SPAG16: variants seen among roughly 807,000 people sequenced by gnomAD.
The protein encoded by SPAG16 is sperm associated antigen 16.
Under a neutral mutation model 80.4 loss-of-function variants are expected in SPAG16, and 86 were observed. That is an observed-to-expected ratio of 1.07 (90% CI 0.90 to 1.28). The LOEUF (loss-of-function observed/expected upper bound fraction) is 1.28. SPAG16 is among the 50% of genes most tolerant of loss of function. SPAG16 has a pLI of 0.00. For missense variants in SPAG16, 870 were observed against 765.3 expected, an observed-to-expected ratio of 1.14 and a Z score of -1.61; for synonymous variants, 294 against 265.9, an observed-to-expected ratio of 1.11 and a Z score of -1.03.
chr2:213,868,804 G>A (rs2075811323), intron 11 of SPAG16, among the ~76,000 whole-genome samples: 1 of 152,122 alleles, frequency 6.6e-6, no homozygotes. Flanking sequence ...TCTACCCTTA[G>A]GAGCTGATTC....
chr2:214,055,161 T>C (rs2049872750), intron 13 of SPAG16, among the ~76,000 whole-genome samples: 2 of 152,186 alleles, frequency 1.3e-5, no homozygotes, highest in Non-Finnish European at 2.9e-5. Flanking sequence ...TTTGTTTGTT[T>C]TTAAAGATCC....
intron 9 of SPAG16, among the ~76,000 whole-genome samples, chr2:213,479,094 C>CTTTT (rs148476714): frequency 9.3e-4 from 88 of 94,350 alleles, no homozygotes; most frequent in East Asian, 1.3e-3. Context: ...CACTGGCTTC[C>CTTTT]TTTTTTTTTT....
At chr2:214,087,794 A>G (rs1420392213) in intron 13 of SPAG16, among the ~76,000 whole-genome samples, 1 of 152,126 alleles carries the variant, frequency 6.6e-6, no homozygotes, top group African/African-American at 2.4e-5. Flanking sequence ...GGTGCTATAG[A>G]CAAAAAAATA....
At chr2:213,517,701 A>C (rs1378530826) in intron 10 of SPAG16, among the ~76,000 whole-genome samples, 2 of 152,168 alleles carry the variant, frequency 1.3e-5, no homozygotes, top group African/African-American at 4.8e-5. Flanking sequence ...AAACAAATGG[A>C]GAAAGGGCTC....
At chr2:214,238,245 A>G (rs1481198526) in intron 15 of SPAG16, 2 of 342,394 alleles carry the variant, frequency 5.8e-6, no homozygotes, top group Non-Finnish European at 1.1e-5. Flanking sequence ...ATCTGAATAC[A>G]TATGATGAGA....
At chr2:213,299,771 G>A (rs2062657444) in intron 3 of SPAG16, among the ~76,000 whole-genome samples, 1 of 151,974 alleles carries the variant, frequency 6.6e-6, no homozygotes, top group Non-Finnish European at 1.5e-5. Flanking sequence ...TGAGAAGATA[G>A]GAAATGTTAT....
chr2:213,359,482 C>G lies in SPAG16; in HGVS notation c.763-4594C>G, dbSNP rs143065661. Among the ~76,000 whole-genome samples the G allele has an allele frequency of 2.3e-3, 344 of 152,304 alleles. 9 individuals are homozygous for G. In the East Asian group the frequency reaches 0.031, roughly 14 times the overall value. On this transcript the variant is annotated intron_variant, in intron 7 of 15. Transcript: ENST00000331683. ...TTACCTACTGAAGCCTCAGCAATGG[C>G]AGACGCCCCTCCTCCCACCAGGCTG... is the stretch of plus-strand genomic sequence containing the variant.
chr2:213,387,600 G>A (rs2067511950), intron 9 of SPAG16, among the ~76,000 whole-genome samples: 1 of 135,096 alleles, frequency 7.4e-6, no homozygotes, highest in Admixed American at 7.5e-5. Context: ...GACTACAGGC[G>A]CCCGCCACCA....
chr2:213,702,169 G>A (rs964179740), intron 10 of SPAG16, among the ~76,000 whole-genome samples: 2 of 152,114 alleles, frequency 1.3e-5, no homozygotes, highest in African/African-American at 2.4e-5. Flanking sequence ...TCTGTAAAAC[G>A]GACCAATCAG....
At chr2:213,962,452 TG>T (rs1373885838) in intron 12 of SPAG16, among the ~76,000 whole-genome samples, 1 of 152,188 alleles carries the variant, frequency 6.6e-6, no homozygotes, top group Non-Finnish European at 1.5e-5. Flanking sequence ...CCCGAAGTGC[TG>T]GGATTACAGG....
chr2:214,168,814 C>G (rs543964950), intron 15 of SPAG16, among the ~76,000 whole-genome samples: 3 of 152,032 alleles, frequency 2.0e-5, no homozygotes, highest in African/African-American at 7.2e-5. Context: ...ACAAACCCCC[C>G]GGGTAGGTTC....
intron 9 of SPAG16, among the ~76,000 whole-genome samples, chr2:213,399,480 A>G (rs2068209128): frequency 6.6e-6 from 1 of 152,024 alleles, no homozygotes; most frequent in Non-Finnish European, 1.5e-5. Flanking sequence ...ATGGATTTTA[A>G]AATGTAAACA....
intron 6 of SPAG16, among the ~76,000 whole-genome samples, chr2:213,343,578 G>A (rs73987996): frequency 0.098 from 14,869 of 152,008 alleles, 1,898 homozygotes; most frequent in African/African-American, 0.29. Context: ...GAATTAGCAG[G>A]CAGGGACTTT....
At chr2:214,059,248 A>G (rs1456572695) in intron 13 of SPAG16, among the ~76,000 whole-genome samples, 8 of 108,224 alleles carry the variant, frequency 7.4e-5, no homozygotes, top group Admixed American at 1.8e-4. Flanking sequence ...ATATGTATGT[A>G]TATATATGTA....
At chr2:214,240,382 C>A (rs1289237033) in intron 15 of SPAG16, 2 of 152,106 alleles carry the variant, frequency 1.3e-5, no homozygotes, top group African/African-American at 4.8e-5. Flanking sequence ...TCTTTGAGGG[C>A]AGGGTCTATG....
At chr2:213,802,974 GTC>G (rs1294938548) in intron 10 of SPAG16, among the ~76,000 whole-genome samples, 1 of 151,864 alleles carries the variant, frequency 6.6e-6, no homozygotes, top group Non-Finnish European at 1.5e-5. Context: ...GTAGTAATTG[GTC>G]TCATCTGGAT....
intron 12 of SPAG16, among the ~76,000 whole-genome samples, chr2:213,956,531 G>T (rs921321890): frequency 7.3e-6 from 1 of 137,540 alleles, no homozygotes; most frequent in Non-Finnish European, 1.5e-5. Context: ...CACTGCAACC[G>T]CCGCCTCCCA....
At chr2:213,785,982 C>T (rs929559198) in intron 10 of SPAG16, among the ~76,000 whole-genome samples, 1 of 150,730 alleles carries the variant, frequency 6.6e-6, no homozygotes, top group African/African-American at 2.4e-5. Flanking sequence ...ACTCCAGCCT[C>T]GGCGACAAGA....
At chr2:213,765,865 G>A (rs2068911144) in intron 10 of SPAG16, among the ~76,000 whole-genome samples, 2 of 152,190 alleles carry the variant, frequency 1.3e-5, no homozygotes, top group Non-Finnish European at 2.9e-5. Context: ...ACAAACTTAA[G>A]CAGCTATGTA....
Sources: allele counts gnomAD v4.1 joint callset (sites outside exome capture counted in the v4.1 genomes callset), GRCh38; gene constraint gnomAD v4.1.1; transcripts MANE v1.5; gene names NCBI Gene and HGNC (gene_info 2026-07-23, HGNC 2026-07-21).